KIRREL3: variants seen among roughly 807,000 people sequenced by gnomAD.
KIRREL3 encodes kirre like nephrin family adhesion molecule 3, also known as kin of IRRE-like protein 3.
Under a neutral mutation model 89.7 loss-of-function variants are expected in KIRREL3, and 36 were observed. The ratio of observed to expected loss-of-function variants is 0.40; its 90% confidence interval spans 0.31 to 0.53. The LOEUF is 0.53. Among genes scored for constraint, KIRREL3 ranks in the 20% least tolerant of loss-of-function variants. KIRREL3 has a pLI of 0.49. For missense variants in KIRREL3, 864 were observed against 1,056.6 expected, an observed-to-expected ratio of 0.82 and a Z score of 2.53; for synonymous variants, 445 against 441.4, an observed-to-expected ratio of 1.01 and a Z score of -0.10.
rs111488518 is a variant in KIRREL3, at chr11:126,621,977, G to T, written c.56-59065C>A. ...TGCTGACAGTGGTGGGAGTCTGGGG[G>T]TGGGGAAGGTACATTGTAGTCTCTG... On this transcript the variant is annotated intron_variant, in intron 1 of 16. Coordinates refer to ENST00000525144, the MANE Select transcript of KIRREL3 (RefSeq NM_032531.4). Among the ~76,000 whole-genome samples, 922 of 152,282 alleles carry T rather than the reference G, an allele frequency of 6.1e-3. 15 individuals carry two copies. Among genetic ancestry groups the T allele is most frequent in the African/African-American group, 0.021 (891 of 41,558 alleles).
Position 126,579,059 on chromosome 11 carries a change from C to T in KIRREL3, c.56-16147G>A, listed in dbSNP as rs182250520. Among the ~76,000 whole-genome samples, 5 of 152,180 alleles carry T rather than the reference C, an allele frequency of 3.3e-5. No individual in the cohort carries two copies. Among genetic ancestry groups the T allele is most frequent in the East Asian group, 1.9e-4 (1 of 5,162 alleles). ...TCAAACCCAAAGCCCGTGCTCTGTC[C>T]GTGTGCTGCCTCCGAGAAGCCATGG... On this transcript the variant is annotated intron_variant, in intron 1 of 16. Coordinates refer to ENST00000525144, the MANE Select transcript of KIRREL3 (RefSeq NM_032531.4). The surrounding 1 kb of genome is among the most constrained non-coding windows in gnomAD (Gnocchi z 5.3).
intron 1 of KIRREL3, among the ~76,000 whole-genome samples, chr11:126,735,622 C>T (rs1274447733): frequency 6.6e-6 from 1 of 152,120 alleles, no homozygotes; most frequent in Non-Finnish European, 1.5e-5. Context: ...AGCTGTCAGG[C>T]CCCAGAAAAT....
rs1263475636 is a variant in KIRREL3 at position 126,838,957 on chromosome 11, A to C, written c.55+161498T>G. On this transcript the variant is annotated intron_variant, in intron 1 of 16. Transcript: ENST00000525144. Reference sequence around the variant, plus strand: ...CATTCCTGCTCCCAGGCCTGTAAACAGTGCTGTGGCTGGAGAGACCTGCAT... The same window carrying C: ...CATTCCTGCTCCCAGGCCTGTAAACCGTGCTGTGGCTGGAGAGACCTGCAT... Among the ~76,000 whole-genome samples the C allele has an allele frequency of 2.6e-5, 4 of 152,172 alleles. No homozygotes were observed. In the East Asian group the frequency reaches 7.7e-4, roughly 29 times the overall value.
chr11:126,728,146 G>A (rs1258803754), intron 1 of KIRREL3, among the ~76,000 whole-genome samples: 2 of 152,166 alleles, frequency 1.3e-5, no homozygotes, highest in East Asian at 1.9e-4. Flanking sequence ...AGATGGACAA[G>A]GTGTGGCTGT....
intron 1 of KIRREL3, among the ~76,000 whole-genome samples, chr11:126,894,122 G>A (rs1946042717): frequency 6.6e-6 from 1 of 152,226 alleles, no homozygotes; most frequent in South Asian, 2.1e-4. Flanking sequence ...CCCCAGGGTG[G>A]TGTGGGTTTG....
chr11:126,523,929 G>T lies in KIRREL3; in HGVS notation c.284-2465C>A, dbSNP rs188095553. Among the ~76,000 whole-genome samples the T allele has an allele frequency of 3.3e-4, 51 of 152,290 alleles. No homozygotes were observed. The highest frequency in any genetic ancestry group is 1.2e-3 in the African/African-American group (51 of 41,566). ...GGTTTGTTTGTATTTGCCTAATTAG[G>T]CAGTGAGCTGTGATGCTATCCCAAG... On this transcript the variant is annotated intron_variant, in intron 3 of 16. Coordinates refer to ENST00000525144, the MANE Select transcript of KIRREL3 (RefSeq NM_032531.4). The surrounding 1 kb of genome is among the most constrained non-coding windows in gnomAD (Gnocchi z 4.9).
chr11:126,761,710 T>C lies in KIRREL3; in HGVS notation c.56-198798A>G, dbSNP rs546242791. Among the ~76,000 whole-genome samples the C allele has an allele frequency of 2.6e-5, 4 of 151,758 alleles. No homozygotes were observed. In the South Asian group the frequency reaches 8.3e-4, roughly 32 times the overall value. ...GTGTATATCACCAGATCTTATGAAG[T>C]AGACCAGTGGGCCCCACTCAGCCCC... On this transcript the variant is annotated intron_variant, in intron 1 of 16. Coordinates refer to ENST00000525144, the MANE Select transcript of KIRREL3 (RefSeq NM_032531.4). This position sits in a 1 kb window ranked among gnomAD's most constrained non-coding sequence, Gnocchi z 4.4.
chr11:126,801,935 T>TAA (rs35751571), intron 1 of KIRREL3, among the ~76,000 whole-genome samples: 10 of 151,158 alleles, frequency 6.6e-5, no homozygotes, highest in Admixed American at 1.3e-4. Context: ...CGCTGTCTCT[T>TAA]AAAAAAAAAT....
intron 1 of KIRREL3, among the ~76,000 whole-genome samples, chr11:126,866,652 C>CG (rs1944933881): frequency 6.6e-6 from 1 of 151,940 alleles, no homozygotes; most frequent in Admixed American, 6.6e-5. Context: ...CCTCACTGCC[C>CG]CCCCACACAC....
At position 126,976,990 on chromosome 11, in the gene KIRREL3, C is replaced by T. The variant is rs1403038939; in HGVS notation, c.55+23465G>A. On this transcript the variant is annotated intron_variant, in intron 1 of 16. Transcript: ENST00000525144. The surrounding 1 kb of genome is among the most constrained non-coding windows in gnomAD (Gnocchi z 4.2). The stretch of plus-strand genomic sequence containing the variant: ...AACAGCACGATAGGAAAGAGAGTAC[C>T]AAGAGAGTTAAGAAGAAGTTCTCTG... Among the ~76,000 whole-genome samples the T allele has an allele frequency of 6.6e-6, 1 of 152,096 alleles. No individual in the cohort carries two copies. The highest frequency in any genetic ancestry group is 1.5e-5 in the Non-Finnish European group (1 of 68,016).
At chr11:126,509,263 G>A (rs533057989) in intron 4 of KIRREL3, among the ~76,000 whole-genome samples, 27 of 152,254 alleles carry the variant, frequency 1.8e-4, no homozygotes, top group Non-Finnish European at 3.2e-4. Context: ...GTTCTGCCTG[G>A]ACTGATTCTC....
intron 1 of KIRREL3, among the ~76,000 whole-genome samples, chr11:126,932,708 A>G (rs1948004774): frequency 1.3e-5 from 2 of 152,238 alleles, no homozygotes; most frequent in Non-Finnish European, 2.9e-5. Context: ...CAAAAGGCCT[A>G]TGTATTTAAT....
intron 1 of KIRREL3, among the ~76,000 whole-genome samples, chr11:126,634,448 C>T (rs76546542): frequency 5.4e-4 from 83 of 152,318 alleles, no homozygotes; most frequent in African/African-American, 1.9e-3. Context: ...AACATCTACC[C>T]TCTCTCGTGG....
rs1177050814 is a variant in KIRREL3 at position 126,476,740 on chromosome 11, T to C, written c.434-3274A>G. Among the ~76,000 whole-genome samples, 3 of 152,020 alleles carry C rather than the reference T, an allele frequency of 2.0e-5. No individual in the cohort carries two copies. The highest frequency in any genetic ancestry group is 6.5e-5 in the Admixed American group (1 of 15,270). On this transcript the variant is annotated intron_variant, in intron 4 of 16. Coordinates refer to ENST00000525144, the MANE Select transcript of KIRREL3 (RefSeq NM_032531.4). This position sits in a 1 kb window ranked among gnomAD's most constrained non-coding sequence, Gnocchi z 6.4. ...CTGAAGAGAAATCAGCAGTCGCTCT[T>C]GGCAGCTGTGTCTGGCGTGGAAGGG...
Position 126,521,266 on chromosome 11 carries a change from C to G in KIRREL3, c.433+49G>C. On this transcript the variant is annotated intron_variant, in intron 4 of 16. Coordinates refer to ENST00000525144, the MANE Select transcript of KIRREL3 (RefSeq NM_032531.4). The surrounding 1 kb of genome is among the most constrained non-coding windows in gnomAD (Gnocchi z 4.1). ...AAAAAATACCCTCTTGGAGCTGAGC[C>G]CTTGGTGCTTCACGCAGTGTCCCAG... 1 of 1,470,886 alleles carries G rather than the reference C, an allele frequency of 6.8e-7. No homozygotes were observed. The highest frequency in any genetic ancestry group is 9.1e-7 in the Non-Finnish European group (1 of 1,102,598). The allele number at this position is 1,470,886 out of a possible 1,614,324, so 91.1% of individuals were successfully genotyped here.
chr11:126,926,754 C>T (rs547773708), intron 1 of KIRREL3, among the ~76,000 whole-genome samples: 4 of 152,150 alleles, frequency 2.6e-5, no homozygotes, highest in Non-Finnish European at 5.9e-5. Context: ...AAACCTCTGA[C>T]GTTGGGTGGC....
At chr11:126,433,280 G>GT (rs751522328) in intron 13 of KIRREL3, among the ~76,000 whole-genome samples, 8 of 152,196 alleles carry the variant, frequency 5.3e-5, no homozygotes, top group Non-Finnish European at 1.2e-4. Context: ...GGACAGCTAG[G>GT]TATCAGTTCT....
In KIRREL3 at chr11:126,574,913, G is replaced by A. The variant is rs547735744; in HGVS notation, c.56-12001C>T. On this transcript the variant is annotated intron_variant, in intron 1 of 16. Transcript: ENST00000525144. This position sits in a 1 kb window ranked among gnomAD's most constrained non-coding sequence, Gnocchi z 5.3. ...CACTGGCAATTCCTGGGTCTATTCT[G>A]GAACAATCATGCTTACAAGGTTTTC... Among the ~76,000 whole-genome samples, 14 of 152,292 alleles carry A rather than the reference G, an allele frequency of 9.2e-5. No homozygotes were observed. Among genetic ancestry groups the A allele is most frequent in the East Asian group, 5.8e-4 (3 of 5,186 alleles).
chr11:126,675,923 T>C (rs956990912), intron 1 of KIRREL3, among the ~76,000 whole-genome samples: 2 of 152,104 alleles, frequency 1.3e-5, no homozygotes, highest in African/African-American at 4.8e-5. Context: ...ATAGGCAGAA[T>C]TGAATGAACG....
Sources: allele counts gnomAD v4.1 joint callset (sites outside exome capture counted in the v4.1 genomes callset), GRCh38; gene constraint gnomAD v4.1.1; non-coding constraint Gnocchi (gnomAD v3.1); transcripts MANE v1.5; gene names NCBI Gene and HGNC (gene_info 2026-07-23, HGNC 2026-07-21).